SCAPER: variants seen among roughly 807,000 people sequenced by gnomAD.
SCAPER encodes the protein S-phase cyclin A associated protein in the ER.
SCAPER carries 98 observed loss-of-function variants against 182.2 expected under a neutral mutation model. The ratio of observed to expected loss-of-function variants is 0.54; its 90% CI spans 0.46 to 0.64. The LOEUF (loss-of-function observed/expected upper bound fraction) is 0.64. Ranked by LOEUF, SCAPER falls within the 30% of genes least tolerant of loss-of-function variation. The probability of loss-of-function intolerance (pLI) is 0.00; values close to 1 mark genes in which losing one functional copy is unlikely to be tolerated. For missense variants in SCAPER, 1,432 were observed against 1,690.0 expected, an observed-to-expected ratio of 0.85 and a Z score of 2.68; for synonymous variants, 605 against 564.6, an observed-to-expected ratio of 1.07 and a Z score of -1.01.
At chr15:76,776,913 A>G (rs1188708244) in intron 8 of SCAPER, among the ~76,000 whole-genome samples, 1 of 152,234 alleles carries the variant, frequency 6.6e-6, no homozygotes, top group Non-Finnish European at 1.5e-5. Flanking sequence ...CAATACTGAA[A>G]AAGTATTGAA....
chr15:76,804,842 T>C (rs1269280174), intron 5 of SCAPER, among the ~76,000 whole-genome samples: 2 of 152,218 alleles, frequency 1.3e-5, no homozygotes, highest in South Asian at 2.1e-4. Context: ...CAAGAAATGA[T>C]ATTGATGTTC....
At chr15:76,519,116 A>G (rs2042657831) in intron 23 of SCAPER, among the ~76,000 whole-genome samples, 1 of 152,254 alleles carries the variant, frequency 6.6e-6, no homozygotes, top group Admixed American at 6.5e-5. Flanking sequence ...TTTTATGAAA[A>G]GGCAAATATA....
At chr15:76,859,726 T>C (rs551761527) in intron 3 of SCAPER, among the ~76,000 whole-genome samples, 2 of 152,124 alleles carry the variant, frequency 1.3e-5, no homozygotes, top group Admixed American at 1.3e-4. Context: ...TTTTGGGTTT[T>C]GTTTTGTTTT....
intron 21 of SCAPER, among the ~76,000 whole-genome samples, chr15:76,640,380 G>A (rs1225082935): frequency 6.6e-6 from 1 of 152,130 alleles, no homozygotes. Context: ...TCACAATTGG[G>A]AATCAGTAAA....
intron 10 of SCAPER, among the ~76,000 whole-genome samples, chr15:76,770,233 T>C (rs557817222): frequency 6.6e-6 from 1 of 151,732 alleles, no homozygotes; most frequent in Non-Finnish European, 1.5e-5. Context: ...AGGGATAGCA[T>C]TAGGAAAAAT....
intron 26 of SCAPER, among the ~76,000 whole-genome samples, chr15:76,405,265 C>T (rs2044745964): frequency 6.6e-6 from 1 of 151,944 alleles, no homozygotes; most frequent in Non-Finnish European, 1.5e-5. Context: ...ATGCGTGTAC[C>T]ACCATGTGCA....
intron 22 of SCAPER, among the ~76,000 whole-genome samples, chr15:76,614,913 T>C (rs1008320792): frequency 2.0e-5 from 3 of 152,118 alleles, no homozygotes; most frequent in African/African-American, 7.2e-5. Flanking sequence ...AATTCAGAAA[T>C]GAAAGTGGGC....
intron 29 of SCAPER, among the ~76,000 whole-genome samples, chr15:76,375,215 CAAAAAAAA>C (rs35499483): frequency 1.8e-5 from 1 of 56,926 alleles, no homozygotes; most frequent in East Asian, 5.5e-4. Context: ...AAGAACTTGT[CAAAAAAAA>C]AAAAAAAAAA....
chr15:76,737,378 GTCT>G (rs1386587817), intron 15 of SCAPER, among the ~76,000 whole-genome samples: 1 of 152,196 alleles, frequency 6.6e-6, no homozygotes, highest in East Asian at 1.9e-4. Context: ...ATTTTGAAGA[GTCT>G]TCTTTTCTGA....
At chr15:76,852,590 C>A (rs2070868338) in intron 4 of SCAPER, among the ~76,000 whole-genome samples, 1 of 152,122 alleles carries the variant, frequency 6.6e-6, no homozygotes. Flanking sequence ...TGAATGAATT[C>A]TGAGTAAATA....
At chr15:76,678,202 C>CA (rs2057476634) in intron 20 of SCAPER, among the ~76,000 whole-genome samples, 1 of 151,274 alleles carries the variant, frequency 6.6e-6, no homozygotes, top group Admixed American at 6.6e-5. Context: ...CAGAGTTTTT[C>CA]AAAAAAAATT....
intron 27 of SCAPER, among the ~76,000 whole-genome samples, chr15:76,392,399 G>C (rs2043757746): frequency 6.6e-6 from 1 of 152,162 alleles, no homozygotes; most frequent in African/African-American, 2.4e-5. Flanking sequence ...GAGGGAAGAA[G>C]TAACACATTC....
chr15:76,480,876 G>T (rs1298812488), intron 24 of SCAPER, among the ~76,000 whole-genome samples: 1 of 152,126 alleles, frequency 6.6e-6, no homozygotes, highest in East Asian at 1.9e-4. Context: ...GACGACAGGC[G>T]CCTACCACTA....
Position 76,698,080 on chromosome 15 carries a change from G to A in SCAPER, c.2508+3678C>T, listed in dbSNP as rs183318404. Reference sequence around the variant, plus strand: ...AACAGAAAATTCAAGTAGAAAATGGGGGTAATCATGAAAGATTTAAGTAAT... The same window carrying A: ...AACAGAAAATTCAAGTAGAAAATGGAGGTAATCATGAAAGATTTAAGTAAT... On this transcript the variant is annotated intron_variant, in intron 20 of 31. Coordinates refer to ENST00000563290, the MANE Select transcript of SCAPER (RefSeq NM_020843.4). Among the ~76,000 whole-genome samples, 16 of 151,874 alleles carry A rather than the reference G, an allele frequency of 1.1e-4. No individual in the cohort carries two copies. In the East Asian group the frequency reaches 2.7e-3, roughly 26 times the overall value.
chr15:76,804,130 C>G (rs1363012196), intron 6 of SCAPER, among the ~76,000 whole-genome samples: 2 of 152,186 alleles, frequency 1.3e-5, no homozygotes, highest in Non-Finnish European at 2.9e-5. Context: ...AATGGCCAAC[C>G]AGCTGGTAAA....
chr15:76,695,772 AATT>A (rs1236468913), intron 20 of SCAPER, among the ~76,000 whole-genome samples: 1 of 152,078 alleles, frequency 6.6e-6, no homozygotes. Context: ...AGAATATATA[AATT>A]AATAATAAGC....
At chr15:76,829,148 T>G (rs1289558420) in intron 5 of SCAPER, among the ~76,000 whole-genome samples, 3 of 152,178 alleles carry the variant, frequency 2.0e-5, no homozygotes, top group African/African-American at 7.2e-5. Context: ...ATAATGACCT[T>G]TGCAGCACTG....
Position 76,841,924 on chromosome 15 carries a change from G to A in SCAPER, c.203C>T (p.Ala68Val), listed in dbSNP as rs2069522291. 6.2e-7 allele frequency: 1 copy of A among 1,612,780 alleles called. No homozygotes were observed. Among genetic ancestry groups the A allele is most frequent in the Non-Finnish European group, 8.5e-7 (1 of 1,179,408 alleles). ...GTHKTTKQST[A>V]VDCKITSSTT... ...AGACGATGTTATTTTACAGTCCACTGCAGTACTCTGGTGAAGTAAAATAAA... is the reference window on the plus strand; with the variant it reads ...AGACGATGTTATTTTACAGTCCACTACAGTACTCTGGTGAAGTAAAATAAA... The change falls in exon 5 of 32, where the codon GCA becomes GTA. Residue 68 changes from alanine to valine, a missense_variant. By Grantham distance (64) the Ala-to-Val change is moderately conservative. Transcript: ENST00000563290.
rs1057444089 is a variant in SCAPER at position 76,702,776 on chromosome 15, C to T, written c.2400+74G>A. 4 of 1,526,892 alleles carry T rather than the reference C, an allele frequency of 2.6e-6. No individual in the cohort carries two copies. In the African/African-American group the frequency reaches 5.7e-5, roughly 22 times the overall value. The allele number at this position is 1,526,892 out of a possible 1,614,324, so 94.6% of individuals were successfully genotyped here. On this transcript the variant is annotated intron_variant, in intron 19 of 31. Coordinates refer to ENST00000563290, the MANE Select transcript of SCAPER (RefSeq NM_020843.4). ...CCTTAGCGTGAGTTTTAAAAGACTG[C>T]AAGAATATATTTCCATGGTTTCATA...
Sources: gnomAD v4.1 joint callset for allele counts (sites outside exome capture counted in the v4.1 genomes callset) on GRCh38, gnomAD v4.1.1 for gene constraint, MANE v1.5 for transcripts, NCBI Gene and HGNC (gene_info 2026-07-23, HGNC 2026-07-21) for gene names.